ADAM12: variants seen among roughly 807,000 people sequenced by gnomAD.
ADAM12 encodes ADAM metallopeptidase domain 12.
In ADAM12, 70 loss-of-function variants were observed where a neutral mutation model predicts 106.4. The observed-to-expected ratio is 0.66, with a 90% CI of 0.54 to 0.80. ADAM12 has a LOEUF of 0.80. Ranked by LOEUF, ADAM12 falls within the 30% of genes least tolerant of loss-of-function variation. ADAM12 has a pLI of 0.00. For synonymous variants in ADAM12, 420 were observed against 433.5 expected (o/e 0.97, Z 0.39); for missense variants, 1,010 against 1,171.9 (o/e 0.86, Z 2.02).
intron 3 of ADAM12, among the ~76,000 whole-genome samples, chr10:126,240,404 C>T (rs1053355125): frequency 1.3e-5 from 2 of 152,218 alleles, no homozygotes; most frequent in Non-Finnish European, 2.9e-5. Context: ...GCAACAGGAG[C>T]AGAATCAGTC....
intron 1 of ADAM12, among the ~76,000 whole-genome samples, chr10:126,341,901 CT>C (rs1462961469): frequency 6.6e-6 from 1 of 152,188 alleles, no homozygotes; most frequent in Admixed American, 6.5e-5. Flanking sequence ...ATAGAGTTGA[CT>C]TTCATATCAC....
chr10:126,281,582 C>T (rs2886735), intron 2 of ADAM12, among the ~76,000 whole-genome samples: 51,105 of 151,942 alleles, frequency 0.34, 8,779 homozygotes, highest in African/African-American at 0.4. Flanking sequence ...AAAGGAGAAA[C>T]CAATAGAGAG....
At chr10:126,355,157 T>A (rs1366007872) in intron 1 of ADAM12, among the ~76,000 whole-genome samples, 1 of 152,128 alleles carries the variant, frequency 6.6e-6, no homozygotes, top group Non-Finnish European at 1.5e-5. Flanking sequence ...AATATGAACA[T>A]AGATGAACTA....
At chr10:126,230,340 C>G (rs1207564529) in intron 3 of ADAM12, among the ~76,000 whole-genome samples, 1 of 152,202 alleles carries the variant, frequency 6.6e-6, no homozygotes, top group Non-Finnish European at 1.5e-5. Context: ...ATCTTCAATG[C>G]CTATCATGAC....
intron 3 of ADAM12, among the ~76,000 whole-genome samples, chr10:126,189,303 T>G (rs1957454499): frequency 6.6e-6 from 1 of 151,998 alleles, no homozygotes; most frequent in Non-Finnish European, 1.5e-5. Context: ...ATTCCAGGAA[T>G]GGGGAGAAGT....
Position 126,041,318 on chromosome 10 carries a change from A to G in ADAM12, c.2104+1722T>C, listed in dbSNP as rs565865176. ...CTCATGGCCTGCCTTGATTTTATAT[A>G]TGTATGAACAGGGTGGAGGCAGCGG... On this transcript the variant is annotated intron_variant, in intron 18 of 22. Coordinates refer to ENST00000448723, the MANE Select transcript of ADAM12 (RefSeq NM_001288973.2). 4 of 985,644 alleles carry G rather than the reference A, an allele frequency of 4.1e-6. No homozygotes were observed. In the African/African-American group the frequency reaches 5.2e-5, roughly 13 times the overall value. 61.1% of individuals were successfully genotyped at this position (985,644 alleles called of 1,614,324 possible).
intron 14 of ADAM12, among the ~76,000 whole-genome samples, chr10:126,061,710 G>A (rs974560906): frequency 6.6e-6 from 1 of 152,164 alleles, no homozygotes; most frequent in Non-Finnish European, 1.5e-5. Flanking sequence ...GATGGAGGAA[G>A]GGGCCATGAG....
At chr10:126,291,810 T>G (rs1188442032) in intron 2 of ADAM12, among the ~76,000 whole-genome samples, 1 of 152,128 alleles carries the variant, frequency 6.6e-6, no homozygotes, top group East Asian at 1.9e-4. Flanking sequence ...CTGGGGGTCA[T>G]CTGGCTGTGT....
At chr10:126,247,367 G>A (rs1434023323) in intron 3 of ADAM12, among the ~76,000 whole-genome samples, 2 of 152,148 alleles carry the variant, frequency 1.3e-5, no homozygotes, top group Non-Finnish European at 2.9e-5. Flanking sequence ...TTCCACTCAA[G>A]TGCAATGTCA....
At chr10:126,266,647 A>T (rs1035079023) in intron 3 of ADAM12, among the ~76,000 whole-genome samples, 1 of 152,150 alleles carries the variant, frequency 6.6e-6, no homozygotes, top group East Asian at 1.9e-4. Flanking sequence ...TTAAGAAGAA[A>T]AGAGGTTTAA....
At chr10:126,123,055 T>G (rs908634134) in intron 5 of ADAM12, among the ~76,000 whole-genome samples, 14 of 152,228 alleles carry the variant, frequency 9.2e-5, no homozygotes, top group African/African-American at 3.4e-4. Context: ...GGCCAGATGT[T>G]GAGAAATCAG....
intron 11 of ADAM12, among the ~76,000 whole-genome samples, chr10:126,091,459 C>T (rs546600546): frequency 5.9e-5 from 9 of 152,298 alleles, no homozygotes; most frequent in African/African-American, 2.2e-4. Flanking sequence ...AAATTAAAAA[C>T]ACCACTCTCT....
chr10:126,144,353 C>A (rs890210013), intron 4 of ADAM12, among the ~76,000 whole-genome samples: 2 of 152,316 alleles, frequency 1.3e-5, no homozygotes, highest in East Asian at 3.9e-4. Flanking sequence ...GGACGCAATT[C>A]ATAAAATGTA....
At chr10:126,042,250 G>C (rs949077028) in intron 18 of ADAM12, 5 of 1,612,342 alleles carry the variant, frequency 3.1e-6, no homozygotes, top group Non-Finnish European at 3.4e-6. Flanking sequence ...CCCTCGAAAA[G>C]AGGCATCATT....
intron 1 of ADAM12, among the ~76,000 whole-genome samples, chr10:126,354,756 G>T (rs1182771612): frequency 2.0e-5 from 3 of 151,556 alleles, no homozygotes; most frequent in African/African-American, 7.3e-5. Flanking sequence ...TCTTTTAGTG[G>T]ATACTGCAGA....
intron 8 of ADAM12, among the ~76,000 whole-genome samples, 174 bp from the exon 9 acceptor site, chr10:126,101,415 A>G (rs889506984): frequency 2.0e-5 from 3 of 152,240 alleles, no homozygotes; most frequent in Admixed American, 1.3e-4. Context: ...GCAGTGCCTA[A>G]TGCAAAGTGA....
At chr10:126,197,954 A>G (rs2037505624) in intron 3 of ADAM12, among the ~76,000 whole-genome samples, 1 of 152,078 alleles carries the variant, frequency 6.6e-6, no homozygotes, top group Admixed American at 6.5e-5. Context: ...GAACTGCAGG[A>G]ATGGGAGAGG....
chr10:126,268,631 G>A (rs1312741471), intron 3 of ADAM12, among the ~76,000 whole-genome samples: 1 of 152,148 alleles, frequency 6.6e-6, no homozygotes, highest in Non-Finnish European at 1.5e-5. Context: ...CCAGTAAGAA[G>A]GCCTCAAGAA....
At chr10:126,187,384 G>C (rs1254204405) in intron 3 of ADAM12, among the ~76,000 whole-genome samples, 1 of 151,960 alleles carries the variant, frequency 6.6e-6, no homozygotes, top group African/African-American at 2.4e-5. Flanking sequence ...TTGCTGCTGG[G>C]GGCATTTCAG....
Sources: allele counts gnomAD v4.1 joint callset (sites outside exome capture counted in the v4.1 genomes callset), GRCh38; gene constraint gnomAD v4.1.1; transcripts MANE v1.5; gene names NCBI Gene and HGNC (gene_info 2026-07-23, HGNC 2026-07-21).